The following HECW2 variants were observed in gnomAD, a reference collection of about 807,000 sequenced individuals.
HECW2 encodes the protein HECT, C2 and WW domain containing E3 ubiquitin protein ligase 2.
HECW2 carries 61 observed loss-of-function variants against 175.2 expected under a neutral mutation model. The ratio of observed to expected loss-of-function variants is 0.35; its 90% CI spans 0.28 to 0.43. HECW2 has a LOEUF of 0.43. Among genes scored for constraint, HECW2 ranks in the 20% least tolerant of loss-of-function variants. The pLI, the probability that HECW2 is intolerant of heterozygous loss-of-function variation, is 1.00. For synonymous variants in HECW2, 671 were observed against 731.0 expected, an observed-to-expected ratio of 0.92 and a Z score of 1.32; for missense variants, 1,524 against 2,000.5, an observed-to-expected ratio of 0.76 and a Z score of 4.54.
chr2:196,354,186 A>G (rs1189695505), intron 2 of HECW2, among the ~76,000 whole-genome samples: 1 of 152,210 alleles, frequency 6.6e-6, no homozygotes, highest in African/African-American at 2.4e-5. Context: ...TTAATACACC[A>G]CCATCAGTCA....
chr2:196,355,968 T>G (rs901356706), intron 2 of HECW2, among the ~76,000 whole-genome samples: 1 of 152,030 alleles, frequency 6.6e-6, no homozygotes, highest in African/African-American at 2.4e-5. Context: ...AGGGAGATTT[T>G]GGGAAAAGGC....
intron 13 of HECW2, among the ~76,000 whole-genome samples, chr2:196,299,490 A>T (rs1383438696): frequency 6.6e-6 from 1 of 152,208 alleles, no homozygotes; most frequent in East Asian, 1.9e-4. Flanking sequence ...CCACAGTTGT[A>T]TCAGAATCAC....
intron 1 of HECW2, among the ~76,000 whole-genome samples, chr2:196,540,300 C>G (rs1016645492): frequency 6.6e-6 from 1 of 152,198 alleles, no homozygotes; most frequent in Admixed American, 6.5e-5. Flanking sequence ...AGTAGTTGTT[C>G]TACTTATTAA....
chr2:196,311,096 T>C (rs1251550633), intron 10 of HECW2, among the ~76,000 whole-genome samples: 3 of 152,198 alleles, frequency 2.0e-5, no homozygotes, highest in Non-Finnish European at 4.4e-5. Context: ...ACAATCCTAT[T>C]TTAGCCATGA....
intron 1 of HECW2, among the ~76,000 whole-genome samples, chr2:196,489,334 T>C (rs1375531536): frequency 6.6e-6 from 1 of 152,240 alleles, no homozygotes; most frequent in African/African-American, 2.4e-5. Flanking sequence ...GCTATCATTT[T>C]CTGCAACAAA....
chr2:196,319,364 T>A lies in HECW2; in HGVS notation c.1526A>T (p.Glu509Val). ...DGSLTSQTKL[E>V]DNPVENEEAS... ...TTCCTCATTCTCAACAGGGTTGTCCTCCAGCTTTGTCTGAGATGTCAGGCT... is the reference window on the plus strand; with the variant it reads ...TTCCTCATTCTCAACAGGGTTGTCCACCAGCTTTGTCTGAGATGTCAGGCT... The change falls in exon 9 of 29, where the codon GAG becomes GTG. Residue 509 changes from glutamate (E) to valine (V), a missense_variant. This residue lies in a region of HECW2 where 604 missense variants were observed against 588.3 expected (regional missense o/e 1.03). Transcript: ENST00000644978. 1 of 1,614,184 alleles carries A rather than the reference T, an allele frequency of 6.2e-7. No homozygotes were observed. The highest frequency in any genetic ancestry group is 8.5e-7 in the Non-Finnish European group (1 of 1,180,024).
intron 14 of HECW2, 92 bp downstream of exon 14, chr2:196,292,473 C>CGCCA: frequency 1.9e-6 from 2 of 1,072,764 alleles, no homozygotes; most frequent in Non-Finnish European, 2.8e-6. Flanking sequence ...CACAAAGAGC[C>CGCCA]TTGGCCCTCA....
At chr2:196,590,190 G>A (rs938350923) in intron 1 of HECW2, among the ~76,000 whole-genome samples, 2 of 152,130 alleles carry the variant, frequency 1.3e-5, no homozygotes, top group Admixed American at 6.5e-5. Context: ...ACATGTGAAA[G>A]GGGGTGCTTT....
rs147576523 is a variant in HECW2, at chr2:196,334,312, T to C, written c.495+112A>G. The C allele has an allele frequency of 3.1e-4, 232 of 760,542 alleles. No individual in the cohort carries two copies. The African/African-American group carries it at 3.4e-3, about 11-fold the overall frequency. The allele number at this position is 760,542 out of a possible 1,614,324, so 47.1% of individuals were successfully genotyped here. A position where few individuals can be genotyped will look rare whatever the true frequency, so the allele number is the denominator to read the frequency against. ...TCCTATAACAGTGCCCACACTGTTA[T>C]GTGTTTCCTTTTTCATTGTTCCTCA... On this transcript the variant is annotated intron_variant, in intron 4 of 28. Transcript: ENST00000644978.
intron 2 of HECW2, among the ~76,000 whole-genome samples, chr2:196,348,473 T>A (rs1693043599): frequency 6.6e-6 from 1 of 151,836 alleles, no homozygotes; most frequent in Admixed American, 6.6e-5. Flanking sequence ...CAAGACCCTG[T>A]CTCTACAAAA....
At chr2:196,300,668 C>T (rs1691009902) in intron 13 of HECW2, among the ~76,000 whole-genome samples, 1 of 150,898 alleles carries the variant, frequency 6.6e-6, no homozygotes, top group Middle Eastern at 3.4e-3. Context: ...ATGCCTCCAT[C>T]TATACATATA....
chr2:196,310,527 T>G (rs1407912750), intron 10 of HECW2, among the ~76,000 whole-genome samples: 1 of 152,240 alleles, frequency 6.6e-6, no homozygotes, highest in Non-Finnish European at 1.5e-5. Flanking sequence ...CTATCAAAGT[T>G]ACTTTGCTGG....
chr2:196,418,851 T>C (rs1281007748), intron 2 of HECW2, among the ~76,000 whole-genome samples: 1 of 152,112 alleles, frequency 6.6e-6, no homozygotes, highest in African/African-American at 2.4e-5. Context: ...TTTAAAAAAT[T>C]TTTTCAGAAG....
At position 196,318,852 on chromosome 2, in the gene HECW2, C is replaced by G. The variant is rs762015382; in HGVS notation, c.2038G>C (p.Glu680Gln). ...GGCTCTGCTGCACAGGCTCCGTCTTCCTCCTCCTGAGAAGAAAAGGCTGGG... is the reference window on the plus strand; with the variant it reads ...GGCTCTGCTGCACAGGCTCCGTCTTGCTCCTCCTGAGAAGAAAAGGCTGGG... ...ETPAFSSQEEEDGACAAEPTS... is the reference protein window; with the variant it reads ...ETPAFSSQEEQDGACAAEPTS... The change falls in exon 9 of 29, where the codon GAA becomes CAA. Residue 680 changes from glutamate to glutamine, a missense_variant. Physicochemically the swap from Glu to Gln is conservative, Grantham distance 29. Around this residue, in one of 11 missense-constraint regions of HECW2, gnomAD observed 604 missense variants for 588.3 expected, o/e 1.03. Coordinates refer to ENST00000644978, the MANE Select transcript of HECW2 (RefSeq NM_001348768.2). 6.4e-7 allele frequency: 1 copy of G among 1,551,234 alleles called. No individual in the cohort carries two copies. Among genetic ancestry groups the G allele is most frequent in the Middle Eastern group, 1.7e-4 (1 of 5,750 alleles).
intron 21 of HECW2, among the ~76,000 whole-genome samples, chr2:196,231,000 G>A (rs10211224): frequency 0.1 from 15,056 of 149,784 alleles, 1,017 homozygotes; most frequent in African/African-American, 0.2. Context: ...CTACTCGAGA[G>A]GCTGAGGCAG....
At chr2:196,307,827 G>A (rs1357649989) in intron 11 of HECW2, 108 bp downstream of exon 11, 11 of 1,070,092 alleles carry the variant, frequency 1.0e-5, no homozygotes, top group African/African-American at 6.3e-5. Context: ...ACACTTTAAC[G>A]ACAGGACACA....
intron 14 of HECW2, among the ~76,000 whole-genome samples, chr2:196,283,839 A>T (rs909460767): frequency 6.6e-6 from 1 of 152,206 alleles, no homozygotes; most frequent in Non-Finnish European, 1.5e-5. Flanking sequence ...GATTTTCCCT[A>T]TTTGGTGAAT....
intron 23 of HECW2, among the ~76,000 whole-genome samples, chr2:196,225,429 C>T (rs1687816306): frequency 6.6e-6 from 1 of 152,094 alleles, no homozygotes. Flanking sequence ...AAGACTAACC[C>T]ACAACAATTC....
At chr2:196,565,623 C>T (rs984735307) in intron 1 of HECW2, among the ~76,000 whole-genome samples, 1 of 152,170 alleles carries the variant, frequency 6.6e-6, no homozygotes, top group Non-Finnish European at 1.5e-5. Flanking sequence ...CACTTTTCAT[C>T]TTTGCTTCTT....
Sources: gnomAD v4.1 joint callset for allele counts (sites outside exome capture counted in the v4.1 genomes callset) on GRCh38, gnomAD v4.1.1 for gene constraint, gnomAD v4.1.1 regional missense constraint, MANE v1.5 for transcripts, NCBI Gene and HGNC (gene_info 2026-07-23, HGNC 2026-07-21) for gene names.